C12orf43: variants seen among roughly 807,000 people sequenced by gnomAD.
C12orf43 encodes protein CUSTOS.
Under a neutral mutation model 20.6 loss-of-function variants are expected in C12orf43, and 15 were observed. That is an observed-to-expected ratio of 0.73 (90% confidence interval 0.49 to 1.12). The LOEUF (loss-of-function observed/expected upper bound fraction) is 1.12, where lower values mean the gene tolerates loss of function less well. Ranked by LOEUF, C12orf43 falls within the 50% of genes most tolerant of loss-of-function variation. The pLI is 0.00. For missense variants in C12orf43, 334 were observed against 344.4 expected (o/e 0.97, Z 0.24); for synonymous variants, 144 against 130.8 (o/e 1.10, Z -0.69).
intron 1 of C12orf43, among the ~76,000 whole-genome samples, chr12:121,014,889 T>A (rs1265746042): frequency 6.6e-6 from 1 of 151,420 alleles, no homozygotes; most frequent in Non-Finnish European, 1.5e-5. Context: ...GGGAGGATCA[T>A]CTGAGTAGGG....
In C12orf43 at chr12:121,001,369, A is replaced by G. The variant is rs1433839189; in HGVS notation, c.*2784T>C. 7.8e-6 allele frequency: 6 copies of G among 768,828 alleles called. No homozygotes were observed. The highest frequency in any genetic ancestry group is 1.7e-5 in the African/African-American group (1 of 57,714). 47.6% of individuals were successfully genotyped at this position (768,828 alleles called of 1,614,324 possible). On this transcript the variant is annotated 3_prime_UTR_variant, in exon 6 of 6. Transcript: ENST00000288757. ...AAAGGGAGGGCTCTGAGGCGCCCCAACCCGTGGAGGCTGCTCGGGGTGCAC... is the reference window on the plus strand; with the variant it reads ...AAAGGGAGGGCTCTGAGGCGCCCCAGCCCGTGGAGGCTGCTCGGGGTGCAC...
At position 121,001,712 on chromosome 12, in the gene C12orf43, C is replaced by A; in HGVS notation, c.*2441G>T. On this transcript the variant is annotated 3_prime_UTR_variant, in exon 6 of 6. Coordinates refer to ENST00000288757, the MANE Select transcript of C12orf43 (RefSeq NM_022895.3). ...CCAACTCCTTCCAGCTAGTGACCCA[C>A]ATGCCATTTGTACTGACCCCATCAC... is the stretch of plus-strand genomic sequence containing the variant. 4.0e-6 allele frequency: 2 copies of A among 498,236 alleles called. No homozygotes were observed. Among genetic ancestry groups the A allele is most frequent in the African/African-American group, 1.9e-5 (1 of 52,680 alleles). 30.9% of individuals were successfully genotyped at this position (498,236 alleles called of 1,614,324 possible).
At chr12:121,016,169 T>G in intron 1 of C12orf43, 161 bp downstream of exon 1, 1 of 1,082,940 alleles carries the variant, frequency 9.2e-7, no homozygotes, top group South Asian at 1.3e-5. Context: ...CCCTCCCTAC[T>G]GCACCTGCCC....
rs1460006102 is a variant in C12orf43 at position 121,000,810 on chromosome 12, CCTCGGCAT to C, written c.*3335_*3342del. 1.9e-6 allele frequency: 1 copy of C among 525,674 alleles called. No individual in the cohort carries two copies. Among genetic ancestry groups the C allele is most frequent in the Non-Finnish European group, 3.5e-6 (1 of 287,874 alleles). The allele number at this position is 525,674 out of a possible 1,614,324, so 32.6% of individuals were successfully genotyped here. A position where few individuals can be genotyped will look rare whatever the true frequency, so the allele number is the denominator to read the frequency against. ...CCAAGCCAACACGTACAACTACCTA[CCTCGGCAT>C]CTCACCGGGGCTTCTCCAGTGTTCA... is the stretch of plus-strand genomic sequence containing the variant. On this transcript the variant is annotated 3_prime_UTR_variant, in exon 6 of 6. Coordinates refer to ENST00000288757, the MANE Select transcript of C12orf43 (RefSeq NM_022895.3).
intron 1 of C12orf43, 119 bp downstream of exon 1, chr12:121,016,211 G>A: frequency 6.8e-7 from 1 of 1,467,844 alleles, no homozygotes; most frequent in Non-Finnish European, 9.4e-7. Flanking sequence ...CCCAGTCCCT[G>A]GAGGTCTCTC....
chr12:121,002,301 A>AGG lies in C12orf43; in HGVS notation c.*1850_*1851dup, dbSNP rs1877551279. 1 of 445,124 alleles carries AGG rather than the reference A, an allele frequency of 2.2e-6. No individual in the cohort carries two copies. Among genetic ancestry groups the AGG allele is most frequent in the Non-Finnish European group, 4.3e-6 (1 of 234,844 alleles). The allele number at this position is 445,124 out of a possible 1,614,324, so 27.6% of individuals were successfully genotyped here. A position where few individuals can be genotyped will look rare whatever the true frequency, so the allele number is the denominator to read the frequency against. On this transcript the variant is annotated 3_prime_UTR_variant, in exon 6 of 6. Transcript: ENST00000288757. ...GGAGTCTGAGGTCCTGAGCACTGCCAGGAGGGACAAAGGAGCCTGTGAACC... is the reference window on the plus strand; with the variant it reads ...GGAGTCTGAGGTCCTGAGCACTGCCAGGGGAGGGACAAAGGAGCCTGTGAACC...
intron 3 of C12orf43, among the ~76,000 whole-genome samples, chr12:121,010,578 G>A (rs538654488): frequency 7.9e-5 from 12 of 152,334 alleles, no homozygotes; most frequent in Admixed American, 5.9e-4. Context: ...CAGTTGCTCA[G>A]TAAATGGTAG....
intron 1 of C12orf43, among the ~76,000 whole-genome samples, chr12:121,014,210 T>G (rs1331421670): frequency 6.6e-6 from 1 of 151,950 alleles, no homozygotes; most frequent in East Asian, 1.9e-4. Context: ...TGGGCACCTG[T>G]AATCCCAGCT....
Position 121,004,919 on chromosome 12 carries a change from A to G in C12orf43, c.452+84T>C. 1 of 1,005,762 alleles carries G rather than the reference A, an allele frequency of 9.9e-7. No individual in the cohort carries two copies. Among genetic ancestry groups the G allele is most frequent in the Non-Finnish European group, 1.4e-6 (1 of 730,040 alleles). The allele number at this position is 1,005,762 out of a possible 1,614,324, so 62.3% of individuals were successfully genotyped here. A position where few individuals can be genotyped will look rare whatever the true frequency, so the allele number is the denominator to read the frequency against. The stretch of plus-strand genomic sequence containing the variant: ...ACTGCCTTGGCCTGGTCCTGACTGG[A>G]GTCTGCTTGGCTATTCCAGGGAACC... On this transcript the variant is annotated intron_variant, in intron 5 of 5. Transcript: ENST00000288757. This position sits in a 1 kb window ranked among gnomAD's most constrained non-coding sequence, Gnocchi z 5.6.
At chr12:121,016,133 G>T in intron 1 of C12orf43, 197 bp downstream of exon 1, 1 of 854,746 alleles carries the variant, frequency 1.2e-6, no homozygotes, top group Non-Finnish European at 1.9e-6. Flanking sequence ...GGGTACCTCA[G>T]CTTCCCCGAC....
Position 121,000,795 on chromosome 12 carries a change from AC to A in C12orf43, c.*3357del. The A allele has an allele frequency of 2.0e-6, 1 of 500,742 alleles. No individual in the cohort carries two copies. Among genetic ancestry groups the A allele is most frequent in the South Asian group, 2.0e-5 (1 of 49,654 alleles). The allele number at this position is 500,742 out of a possible 1,614,324, so 31.0% of individuals were successfully genotyped here. A position where few individuals can be genotyped will look rare whatever the true frequency, so the allele number is the denominator to read the frequency against. ...TTTGACTCAGCCTAGCCAAGCCAAC[AC>A]GTACAACTACCTACCTCGGCATCTC... On this transcript the variant is annotated 3_prime_UTR_variant, in exon 6 of 6. Transcript: ENST00000288757.
At chr12:121,014,910 G>T (rs1868762365) in intron 1 of C12orf43, among the ~76,000 whole-genome samples, 1 of 151,990 alleles carries the variant, frequency 6.6e-6, no homozygotes, top group South Asian at 2.1e-4. Context: ...GGAGGTCGAG[G>T]TTGCAGTGAG....
rs760688817 is a variant in C12orf43, at chr12:121,004,122, A to AG, written c.*30dup. Reference sequence around the variant, plus strand: ...GGTGGGGGGGACACCTTGTCCTTGGAGCTGGCTGAGCCCTGTGCCCATGGC... The same window carrying AG: ...GGTGGGGGGGACACCTTGTCCTTGGAGGCTGGCTGAGCCCTGTGCCCATGGC... On this transcript the variant is annotated 3_prime_UTR_variant, in exon 6 of 6. Coordinates refer to ENST00000288757, the MANE Select transcript of C12orf43 (RefSeq NM_022895.3). The surrounding 1 kb of genome is among the most constrained non-coding windows in gnomAD (Gnocchi z 5.6). The AG allele has an allele frequency of 6.2e-7, 1 of 1,608,430 alleles. No individual in the cohort carries two copies. The highest frequency in any genetic ancestry group is 2.2e-5 in the East Asian group (1 of 44,842).
Position 121,003,983 on chromosome 12 carries a change from C to A in C12orf43, c.*170G>T. The A allele has an allele frequency of 1.4e-6, 1 of 738,340 alleles. No homozygotes were observed. Among genetic ancestry groups the A allele is most frequent in the Admixed American group, 2.5e-5 (1 of 39,772 alleles). 45.7% of individuals were successfully genotyped at this position (738,340 alleles called of 1,614,324 possible). The stretch of plus-strand genomic sequence containing the variant: ...CTCACCCTACAGCCACTTTTTTGGC[C>A]CAACTCTCGAGCAAGCCTTCATCAC... On this transcript the variant is annotated 3_prime_UTR_variant, in exon 6 of 6. Transcript: ENST00000288757.
Position 121,004,207 on chromosome 12 carries a change from G to A in C12orf43, c.735C>T (p.Ser245=), listed in dbSNP as rs569879599. Reference sequence around the variant, plus strand: ...TTGCTGGTGGGAATGGAGAGGTCTCGCTGGCCTTCTTTGCCTTTTTCTTCT... The same window carrying A: ...TTGCTGGTGGGAATGGAGAGGTCTCACTGGCCTTCTTTGCCTTTTTCTTCT... The part of the protein sequence containing the change: ...TKKKKKAKKA[S]ETSPFPPAKS... The change falls in exon 6 of 6, where the codon AGC becomes AGT. Residue 245 remains serine, a synonymous_variant. Coordinates refer to ENST00000288757, the MANE Select transcript of C12orf43 (RefSeq NM_022895.3). This position sits in a 1 kb window ranked among gnomAD's most constrained non-coding sequence, Gnocchi z 5.6. The A allele has an allele frequency of 9.1e-5, 147 of 1,614,156 alleles. 1 individual carries two copies. In the East Asian group the frequency reaches 2.8e-3, roughly 31 times the overall value.
chr12:121,001,638 G>A lies in C12orf43; in HGVS notation c.*2515C>T, dbSNP rs1877494675. The A allele has an allele frequency of 4.5e-6, 2 of 444,262 alleles. No individual in the cohort carries two copies. The highest frequency in any genetic ancestry group is 4.0e-5 in the East Asian group (1 of 24,878). The allele number at this position is 444,262 out of a possible 1,614,324, so 27.5% of individuals were successfully genotyped here. On this transcript the variant is annotated 3_prime_UTR_variant, in exon 6 of 6. Coordinates refer to ENST00000288757, the MANE Select transcript of C12orf43 (RefSeq NM_022895.3). Reference sequence around the variant, plus strand: ...GAGCTCTGAGAGGCCCTGGATCAGCGTGGCCTTGTTCTGTCACCAATGTAC... The same window carrying A: ...GAGCTCTGAGAGGCCCTGGATCAGCATGGCCTTGTTCTGTCACCAATGTAC...
chr12:121,000,870 T>C lies in C12orf43; in HGVS notation c.*3283A>G. The C allele has an allele frequency of 2.9e-6, 2 of 686,074 alleles. No individual in the cohort carries two copies. Among genetic ancestry groups the C allele is most frequent in the Non-Finnish European group, 5.1e-6 (2 of 395,074 alleles). 42.5% of individuals were successfully genotyped at this position (686,074 alleles called of 1,614,324 possible). On this transcript the variant is annotated 3_prime_UTR_variant, in exon 6 of 6. Transcript: ENST00000288757. ...ACTAAGATGTACTCAGGCCACTCCA[T>C]GGGCGGCCGTGGACCCTGGCTGGGA... is the stretch of plus-strand genomic sequence containing the variant.
In C12orf43 at chr12:121,011,164, T is replaced by A. The variant is rs1592918873; in HGVS notation, c.146-18A>T. The A allele has an allele frequency of 6.2e-7, 1 of 1,612,232 alleles. No homozygotes were observed. Among genetic ancestry groups the A allele is most frequent in the Non-Finnish European group, 8.5e-7 (1 of 1,178,626 alleles). ...TGCAGCACCTGTGGAAAAATGAAAA[T>A]TAGGGCATTTATAGAGGAAACAATG... On this transcript the variant is annotated intron_variant, in intron 1 of 5. Coordinates refer to ENST00000288757, the MANE Select transcript of C12orf43 (RefSeq NM_022895.3).
Position 121,008,567 on chromosome 12 carries a change from CT to C in C12orf43, c.288-2174del, listed in dbSNP as rs761138505. On this transcript the variant is annotated intron_variant, in intron 3 of 5. Coordinates refer to ENST00000288757, the MANE Select transcript of C12orf43 (RefSeq NM_022895.3). Reference sequence around the variant, plus strand: ...CAATGCCAAGCAGGCCCTGTTCAGCCTGAAGCCAGAGAGTCACAAAGGAAAA... The same window carrying C: ...CAATGCCAAGCAGGCCCTGTTCAGCCGAAGCCAGAGAGTCACAAAGGAAAA... 1.7e-4 allele frequency among the ~76,000 whole-genome samples: 26 copies of C among 152,332 alleles called. 1 individual carries two copies. Among genetic ancestry groups the C allele is most frequent in the Admixed American group, 7.2e-4 (11 of 15,300 alleles).
Sources: gnomAD v4.1 joint callset for allele counts (sites outside exome capture counted in the v4.1 genomes callset) on GRCh38, gnomAD v4.1.1 for gene constraint, Gnocchi (gnomAD v3.1) non-coding constraint, MANE v1.5 for transcripts, NCBI Gene and HGNC (gene_info 2026-07-23, HGNC 2026-07-21) for gene names.